The following FAT2 variants were observed in gnomAD, a reference collection of about 807,000 sequenced individuals.
FAT2 encodes protocadherin Fat 2.
FAT2 carries 150 observed loss-of-function variants against 295.3 expected under a neutral mutation model. That is an observed-to-expected ratio of 0.51 (90% CI 0.44 to 0.58). The LOEUF is 0.58. Ranked by LOEUF, FAT2 falls within the 20% of genes least tolerant of loss-of-function variation. The probability of loss-of-function intolerance (pLI) is 0.00; values close to 1 mark genes in which losing one functional copy is unlikely to be tolerated. For missense variants in FAT2, 4,868 were observed against 5,442.7 expected (o/e 0.89, Z 3.32); for synonymous variants, 2,026 against 2,150.3 (o/e 0.94, Z 1.60).
chr5:151,527,394 A>T lies in FAT2; in HGVS notation c.10165-17T>A. The T allele has an allele frequency of 6.3e-7, 1 of 1,579,978 alleles. No homozygotes were observed. Among genetic ancestry groups the T allele is most frequent in the Non-Finnish European group, 8.6e-7 (1 of 1,159,282 alleles). ...ACTAGAGGCCTATTGCAAAATGTCC[A>T]GTGGAGGTTAGCAATGAGGTAGCTG... On this transcript the variant is annotated splice_polypyrimidine_tract_variant and intron_variant, in intron 16 of 23. Coordinates refer to ENST00000261800, the MANE Select transcript of FAT2 (RefSeq NM_001447.3).
At chr5:151,555,002 C>T (rs1561865287) in intron 4 of FAT2, among the ~76,000 whole-genome samples, 1 of 152,182 alleles carries the variant, frequency 6.6e-6, no homozygotes, top group Non-Finnish European at 1.5e-5. Context: ...AATTTTAGTT[C>T]TCTGGTTTCC....
At chr5:151,513,403 C>A (rs143938124) in intron 20 of FAT2, among the ~76,000 whole-genome samples, 1 of 152,244 alleles carries the variant, frequency 6.6e-6, no homozygotes, top group African/African-American at 2.4e-5. Context: ...CCATGGACAA[C>A]CATTCAGCCA....
chr5:151,537,002 A>G (rs985084605), intron 12 of FAT2, among the ~76,000 whole-genome samples: 1 of 151,288 alleles, frequency 6.6e-6, no homozygotes, highest in Non-Finnish European at 1.5e-5. Context: ...CCTTTCCCCC[A>G]CTCTCTTACC....
chr5:151,514,731 A>G (rs1382850204), intron 20 of FAT2, among the ~76,000 whole-genome samples: 1 of 151,942 alleles, frequency 6.6e-6, no homozygotes, highest in Non-Finnish European at 1.5e-5. Flanking sequence ...CTCACATCCT[A>G]CTGAAATCAT....
Position 151,507,292 on chromosome 5 carries a change from CATTTGG to C in FAT2, c.12373_12378del (p.Pro4125_Asn4126del), listed in dbSNP as rs1235472643. 6.2e-7 allele frequency: 1 copy of C among 1,614,170 alleles called. No homozygotes were observed. The highest frequency in any genetic ancestry group is 8.5e-7 in the Non-Finnish European group (1 of 1,180,032). On this transcript the variant is annotated inframe_deletion, in exon 23 of 24. Coordinates refer to ENST00000261800, the MANE Select transcript of FAT2 (RefSeq NM_001447.3). ...GAATTGGGTCCAAATGTGACGAGTT[CATTTGG>C]AACAGAGGCCTTGCTGGGTTCCGGT...
At chr5:151,579,198 C>CTAATAAAGGCAT (rs1758852574) in intron 1 of FAT2, among the ~76,000 whole-genome samples, 1 of 152,106 alleles carries the variant, frequency 6.6e-6, no homozygotes, top group African/African-American at 2.4e-5. Context: ...AACATGGTAA[C>CTAATAAAGGCAT]TATAATTAAT....
chr5:151,594,546 A>G (rs1376102317), upstream of FAT2, among the ~76,000 whole-genome samples: 14 of 152,168 alleles, frequency 9.2e-5, no homozygotes, highest in Non-Finnish European at 1.8e-4. Flanking sequence ...GATCTTTAAC[A>G]TCCACCTCTA....
chr5:151,536,725 C>T (rs912731164), intron 12 of FAT2, among the ~76,000 whole-genome samples: 4 of 152,252 alleles, frequency 2.6e-5, no homozygotes, highest in Non-Finnish European at 5.9e-5. Context: ...CATATGCTTT[C>T]TCACCTGTGT....
chr5:151,506,878 C>A (rs1561808160), intron 23 of FAT2, among the ~76,000 whole-genome samples: 1 of 152,166 alleles, frequency 6.6e-6, no homozygotes, highest in Admixed American at 6.5e-5. Flanking sequence ...TCCAAGGGTT[C>A]TACCCAACCC....
At position 151,542,979 on chromosome 5, in the gene FAT2, C is replaced by A; in HGVS notation, c.8148G>T (p.Val2716=). The A allele has an allele frequency of 6.2e-7, 1 of 1,614,192 alleles. No individual in the cohort carries two copies. ...TGTAGATGACTGGATCTTGAGCTGC[C>A]ACTGCTTTAACAATCCCAATTTCAG... The part of the protein sequence containing the change: ...EGSEIGIVKA[V]AAQDPVIYSL... The change falls in exon 10 of 24, where the codon GTG becomes GTT. Residue 2716 remains valine (V), a synonymous_variant. Transcript: ENST00000261800.
In FAT2 at chr5:151,568,516, A is replaced by G; in HGVS notation, c.416T>C (p.Leu139Pro). Reference protein sequence around the residue: ...EALTRVVVHILDQNDLKPLFS... With the variant: ...EALTRVVVHIPDQNDLKPLFS... Reference sequence around the variant, plus strand: ...GAGAGGCTTCAGGTCATTCTGGTCCAGGATGTGGACCACCACACGGGTCAA... The same window carrying G: ...GAGAGGCTTCAGGTCATTCTGGTCCGGGATGTGGACCACCACACGGGTCAA... The change falls in exon 2 of 24, where the codon CTG becomes CCG. Residue 139 changes from leucine to proline, a missense_variant. Coordinates refer to ENST00000261800, the MANE Select transcript of FAT2 (RefSeq NM_001447.3). 1 of 1,614,160 alleles carries G rather than the reference A, an allele frequency of 6.2e-7. No homozygotes were observed. Among genetic ancestry groups the G allele is most frequent in the Non-Finnish European group, 8.5e-7 (1 of 1,180,034 alleles).
intron 12 of FAT2, among the ~76,000 whole-genome samples, chr5:151,535,578 A>C (rs1755184348): frequency 6.6e-6 from 1 of 152,118 alleles, no homozygotes; most frequent in Non-Finnish European, 1.5e-5. Flanking sequence ...TATCCTTTGC[A>C]GTATCCTTTA....
chr5:151,544,427 C>G lies in FAT2; in HGVS notation c.6700G>C (p.Glu2234Gln), dbSNP rs770332209. ...GTGAACACATGTTTGGTCTTGGACTCATAGTCCAAAGGCCCTGTTACTGTT... is the reference window on the plus strand; with the variant it reads ...GTGAACACATGTTTGGTCTTGGACTGATAGTCCAAAGGCCCTGTTACTGTT... ...VLTVTGPLDYESKTKHVFTVR... is the reference protein window; with the variant it reads ...VLTVTGPLDYQSKTKHVFTVR... The change falls in exon 10 of 24, where the codon GAG becomes CAG. Residue 2234 changes from glutamate (E) to glutamine (Q), a missense_variant. Coordinates refer to ENST00000261800, the MANE Select transcript of FAT2 (RefSeq NM_001447.3). 6.2e-7 allele frequency: 1 copy of G among 1,613,978 alleles called. No homozygotes were observed. Among genetic ancestry groups the G allele is most frequent in the Non-Finnish European group, 8.5e-7 (1 of 1,179,950 alleles).
chr5:151,563,194 G>A (rs1758096539), intron 3 of FAT2, 131 bp downstream of exon 3: 1 of 831,868 alleles, frequency 1.2e-6, no homozygotes, highest in African/African-American at 1.7e-5. Context: ...TTTTGATTCA[G>A]TGGATTTAGG....
Position 151,545,677 on chromosome 5 carries a change from G to C in FAT2, c.5450C>G (p.Pro1817Arg). 1 of 1,614,078 alleles carries C rather than the reference G, an allele frequency of 6.2e-7. No individual in the cohort carries two copies. Among genetic ancestry groups the C allele is most frequent in the African/African-American group, 1.3e-5 (1 of 75,000 alleles). ...PEALKFFKID[P>R]SMGTLTIVSE... ...TACAATGGTTAGGGTTCCCATGCTG[G>C]GATCAATTTTGAAAAACTTCAAGGC... The change falls in exon 10 of 24, where the codon CCC (proline) becomes CGC (arginine). Residue 1817 changes from proline to arginine, a missense_variant. Pro to Arg is a moderately radical substitution (Grantham distance 103). Transcript: ENST00000261800.
intron 1 of FAT2, among the ~76,000 whole-genome samples, chr5:151,584,123 G>A (rs1334458607): frequency 6.6e-6 from 1 of 151,506 alleles, no homozygotes; most frequent in African/African-American, 2.4e-5. Context: ...AAATTGCATA[G>A]GATTTCACAG....
chr5:151,534,447 G>T lies in FAT2; in HGVS notation c.9389C>A (p.Thr3130Asn). Residue 3130 changes from threonine to asparagine, a missense_variant, in exon 13 of 24, where the codon ACC becomes AAC. Thr to Asn is a moderately conservative substitution (Grantham distance 65). This residue lies in a region of FAT2 where 1,046 missense variants were observed against 1,210.1 expected (regional missense o/e 0.86). Transcript: ENST00000261800. ...VAVFDNTTVK[T>N]PVAVVFARDP... ...CCGGGCAAATACTACAGCCACAGGG[G>T]TCTTCACTGTGGTGTTGTCGAAGAC... 1.9e-6 allele frequency: 3 copies of T among 1,613,350 alleles called. No homozygotes were observed. Among genetic ancestry groups the T allele is most frequent in the East Asian group, 2.2e-5 (1 of 44,852 alleles).
intron 3 of FAT2, among the ~76,000 whole-genome samples, chr5:151,557,806 A>AGG (rs1347808897): frequency 6.6e-6 from 1 of 152,230 alleles, no homozygotes; most frequent in East Asian, 1.9e-4. Flanking sequence ...GGAATGGGTT[A>AGG]GGGGTCATGG....
chr5:151,507,019 A>G (rs1760939006), intron 23 of FAT2, 135 bp downstream of exon 23: 1 of 727,190 alleles, frequency 1.4e-6, no homozygotes. Flanking sequence ...AATCTTGAAC[A>G]CATCTCATCA....
Sources: allele counts gnomAD v4.1 joint callset (sites outside exome capture counted in the v4.1 genomes callset), GRCh38; gene constraint gnomAD v4.1.1; regional missense constraint gnomAD v4.1.1; transcripts MANE v1.5; gene names NCBI Gene and HGNC (gene_info 2026-07-23, HGNC 2026-07-21).